Variants in ELOVL5 observed in about 807,000 individuals in gnomAD.
ELOVL5 encodes the protein ELOVL fatty acid elongase 5, also known as very long chain fatty acid elongase 5.
A neutral mutation model predicts 38.6 loss-of-function variants in ELOVL5; 8 were observed. The observed-to-expected ratio is 0.21, with a 90% confidence interval of 0.12 to 0.37. The LOEUF (loss-of-function observed/expected upper bound fraction) is 0.37, where lower values mean the gene tolerates loss of function less well. Among genes scored for constraint, ELOVL5 ranks in the 10% least tolerant of loss-of-function variants. The pLI is 1.00. For missense variants in ELOVL5, 280 were observed against 367.8 expected (o/e 0.76, Z 1.95); for synonymous variants, 127 against 133.7 (o/e 0.95, Z 0.34).
intron 3 of ELOVL5, chr6:53,290,083 GA>G (rs1766718681): frequency 6.6e-6 from 1 of 152,136 alleles, no homozygotes; most frequent in African/African-American, 2.4e-5. Flanking sequence ...GCTATCAGAG[GA>G]AAATCTGTAC....
intron 1 of ELOVL5, among the ~76,000 whole-genome samples, chr6:53,305,970 G>A (rs1205987800): frequency 6.6e-6 from 1 of 152,020 alleles, no homozygotes; most frequent in African/African-American, 2.4e-5. Flanking sequence ...GGGATGCCGA[G>A]GCTGGCGGAT....
At chr6:53,308,187 G>C (rs914071047) in intron 1 of ELOVL5, among the ~76,000 whole-genome samples, 1 of 152,108 alleles carries the variant, frequency 6.6e-6, no homozygotes, top group Non-Finnish European at 1.5e-5. Context: ...TTAAGACCTA[G>C]ATGGGAAGTA....
chr6:53,333,480 A>G (rs1359911392), intron 1 of ELOVL5, among the ~76,000 whole-genome samples: 1 of 152,212 alleles, frequency 6.6e-6, no homozygotes, highest in East Asian at 1.9e-4. Context: ...GGGCACCAAG[A>G]ACAGGACCAA....
chr6:53,292,481 G>A (rs1766812738), intron 2 of ELOVL5, among the ~76,000 whole-genome samples: 1 of 152,230 alleles, frequency 6.6e-6, no homozygotes, highest in South Asian at 2.1e-4. Flanking sequence ...CAACAGCAGA[G>A]AGGACAATGA....
At chr6:53,308,891 C>A (rs1331980408) in intron 1 of ELOVL5, among the ~76,000 whole-genome samples, 1 of 78,466 alleles carries the variant, frequency 1.3e-5, no homozygotes, top group Non-Finnish European at 2.4e-5. Flanking sequence ...GCAGGTGGGG[C>A]GGGGGGCGGG....
chr6:53,303,139 A>G (rs1767327745), intron 1 of ELOVL5, among the ~76,000 whole-genome samples: 1 of 152,222 alleles, frequency 6.6e-6, no homozygotes, highest in African/African-American at 2.4e-5. Flanking sequence ...TGATTCTAGA[A>G]TTTAAAAAGA....
chr6:53,294,637 G>T, intron 2 of ELOVL5: 2 of 1,234,318 alleles, frequency 1.6e-6, no homozygotes, highest in South Asian at 1.9e-5. Context: ...TGGATTTTTT[G>T]TCCCTTACAG....
At chr6:53,330,728 TAACAC>T (rs1271949826) in intron 1 of ELOVL5, among the ~76,000 whole-genome samples, 1 of 152,074 alleles carries the variant, frequency 6.6e-6, no homozygotes, top group African/African-American at 2.4e-5. Flanking sequence ...CTTTTGTAAT[TAACAC>T]AACACAAATA....
chr6:53,295,668 T>C lies in ELOVL5; in HGVS notation c.32A>G (p.Tyr11Cys), dbSNP rs1355897667. 2.5e-6 allele frequency: 4 copies of C among 1,601,006 alleles called. No homozygotes were observed. Among genetic ancestry groups the C allele is most frequent in the South Asian group, 1.1e-5 (1 of 88,032 alleles). The change falls in exon 2 of 8, where the codon TAT (tyrosine) becomes TGT (cysteine). Residue 11 changes from tyrosine to cysteine, a missense_variant. Tyr to Cys is a radical substitution (Grantham distance 194). This residue lies in a region of ELOVL5 where 150 missense variants were observed against 178.0 expected (regional missense o/e 0.84). Coordinates refer to ENST00000304434, the MANE Select transcript of ELOVL5 (RefSeq NM_021814.5). MEHFDASLSTYFKALLGPRDT... is the reference protein window; with the variant it reads MEHFDASLSTCFKALLGPRDT... ...TCGAGGGCCTAGCAATGCCTTGAAA[T>C]AGGTACTAAGTGATGCATCAAAATG...
intron 2 of ELOVL5, among the ~76,000 whole-genome samples, chr6:53,292,259 T>C (rs111640661): frequency 8.5e-5 from 13 of 152,236 alleles, no homozygotes; most frequent in African/African-American, 3.1e-4. Flanking sequence ...ACACTTCCCA[T>C]TAATTGGATT....
At chr6:53,288,290 G>A (rs547541676) in intron 3 of ELOVL5, among the ~76,000 whole-genome samples, 4 of 152,246 alleles carry the variant, frequency 2.6e-5, no homozygotes, top group African/African-American at 7.2e-5. Context: ...CCTGAATCTC[G>A]GGTGGCTAAA....
chr6:53,288,940 C>G (rs966020446), intron 3 of ELOVL5, among the ~76,000 whole-genome samples: 4 of 152,142 alleles, frequency 2.6e-5, no homozygotes, highest in Non-Finnish European at 5.9e-5. Flanking sequence ...GTGGCATGCT[C>G]CTGTAGTCCC....
At chr6:53,314,476 A>G (rs1402035449) in intron 1 of ELOVL5, among the ~76,000 whole-genome samples, 2 of 152,238 alleles carry the variant, frequency 1.3e-5, no homozygotes, top group African/African-American at 4.8e-5. Flanking sequence ...TGGAGAAGTC[A>G]ATCATATGAA....
At chr6:53,329,936 T>A (rs1768714465) in intron 1 of ELOVL5, among the ~76,000 whole-genome samples, 1 of 152,236 alleles carries the variant, frequency 6.6e-6, no homozygotes, top group Non-Finnish European at 1.5e-5. Context: ...ACGATTTTAT[T>A]TCTAAAAAGA....
At chr6:53,317,003 G>A (rs1768072408) in intron 1 of ELOVL5, among the ~76,000 whole-genome samples, 1 of 152,178 alleles carries the variant, frequency 6.6e-6, no homozygotes, top group African/African-American at 2.4e-5. Flanking sequence ...GGAAAAATAA[G>A]AAAGATAAAT....
At chr6:53,347,350 T>C (rs913063526) in intron 1 of ELOVL5, among the ~76,000 whole-genome samples, 2 of 152,184 alleles carry the variant, frequency 1.3e-5, no homozygotes, top group Non-Finnish European at 2.9e-5. Flanking sequence ...TCCCAGGCAG[T>C]GTCTGAGCTA....
chr6:53,277,873 T>C, intron 3 of ELOVL5: 1 of 152,314 alleles, frequency 6.6e-6, no homozygotes, highest in East Asian at 1.9e-4. Context: ...TTGCTGCCCT[T>C]CTTTCTACCC....
intron 1 of ELOVL5, among the ~76,000 whole-genome samples, chr6:53,346,600 T>TA (rs907029968): frequency 2.8e-4 from 41 of 148,198 alleles, no homozygotes; most frequent in East Asian, 5.9e-4. Flanking sequence ...GAGGAGGAAT[T>TA]AAAAAAAAAA....
chr6:53,300,377 T>C (rs1438892154), intron 1 of ELOVL5, among the ~76,000 whole-genome samples: 1 of 152,044 alleles, frequency 6.6e-6, no homozygotes, highest in Non-Finnish European at 1.5e-5. Context: ...CTGAAGGCCC[T>C]GGGATTGCAG....
Sources: gnomAD v4.1 joint callset for allele counts (sites outside exome capture counted in the v4.1 genomes callset) on GRCh38, gnomAD v4.1.1 for gene constraint, gnomAD v4.1.1 regional missense constraint, MANE v1.5 for transcripts, NCBI Gene and HGNC (gene_info 2026-07-23, HGNC 2026-07-21) for gene names.